Variants in PLXNB1 observed in about 807,000 individuals in gnomAD.
PLXNB1 encodes plexin B1.
Under a neutral mutation model 209.4 loss-of-function variants are expected in PLXNB1, and 106 were observed. That is an observed-to-expected ratio of 0.51 (90% CI 0.43 to 0.59). The LOEUF (loss-of-function observed/expected upper bound fraction) is 0.59. Ranked by LOEUF, PLXNB1 falls within the 20% of genes least tolerant of loss-of-function variation. The probability of loss-of-function intolerance (pLI) is 0.00; values close to 1 mark genes in which losing one functional copy is unlikely to be tolerated. For synonymous variants in PLXNB1, 1,167 were observed against 1,183.2 expected (o/e 0.99, Z 0.28); for missense variants, 2,357 against 2,853.2 (o/e 0.83, Z 3.96).
At position 48,412,231 on chromosome 3, in the gene PLXNB1, C is replaced by T. The variant is rs558218491; in HGVS notation, c.5100+7G>A. The T allele has an allele frequency of 3.7e-6, 6 of 1,613,722 alleles. No individual in the cohort carries two copies. The Admixed American group carries it at 8.3e-5, about 22-fold the overall frequency. ...GACAGGAGCCCTGTCCACCTCTGCC[C>T]CCTCACCCTCACGAAGGTATACAGA... On this transcript the variant is annotated splice_region_variant and intron_variant, in intron 27 of 37. Coordinates refer to ENST00000296440, the MANE Select transcript of PLXNB1 (RefSeq NM_001130082.3).
Position 48,415,700 on chromosome 3 carries a change from G to T in PLXNB1, c.3677C>A (p.Ala1226Asp). The T allele has an allele frequency of 2.6e-6, 4 of 1,555,188 alleles. No homozygotes were observed. The highest frequency in any genetic ancestry group is 3.5e-6 in the Non-Finnish European group (4 of 1,148,848). Residue 1226 changes from alanine (A) to aspartate (D), a missense_variant, in exon 19 of 38, where the codon GCC becomes GAC. Ala to Asp is a moderately radical substitution (Grantham distance 126). Coordinates refer to ENST00000296440, the MANE Select transcript of PLXNB1 (RefSeq NM_001130082.3). This position sits in a 1 kb window ranked among gnomAD's most constrained non-coding sequence, Gnocchi z 5.0. ...RCETSPRPTPATLPVAVWFGA... is the reference protein window; with the variant it reads ...RCETSPRPTPDTLPVAVWFGA... ...AAACCACACAGCCACAGGGAGCGTG[G>T]CAGGCGTGGGGCGTGGGCTGGTCTC...
chr3:48,423,787 C>G lies in PLXNB1; in HGVS notation c.825G>C (p.Leu275=). The G allele has an allele frequency of 3.7e-6, 6 of 1,613,974 alleles. No individual in the cohort carries two copies. The highest frequency in any genetic ancestry group is 5.1e-6 in the Non-Finnish European group (6 of 1,179,998). ...PLACEGGRYG[L]IQAAAVATSR... is the part of the protein sequence containing the mutation. ...ACGTGGCCACAGCTGCAGCCTGGATCAGCCCGTAGCGGCCACCTTCGCAGG... is the reference window on the plus strand; with the variant it reads ...ACGTGGCCACAGCTGCAGCCTGGATGAGCCCGTAGCGGCCACCTTCGCAGG... Residue 275 remains leucine, a synonymous_variant, in exon 3 of 38, where the codon CTG becomes CTC. Coordinates refer to ENST00000296440, the MANE Select transcript of PLXNB1 (RefSeq NM_001130082.3).
In PLXNB1 at chr3:48,405,608, C is replaced by G. The variant is rs1468251777; in HGVS notation, c.6303+116G>C. 2.5e-6 allele frequency: 2 copies of G among 790,318 alleles called. No individual in the cohort carries two copies. Among genetic ancestry groups the G allele is most frequent in the Non-Finnish European group, 4.1e-6 (2 of 486,306 alleles). The allele number at this position is 790,318 out of a possible 1,614,324, so 49.0% of individuals were successfully genotyped here. A position where few individuals can be genotyped will look rare whatever the true frequency, so the allele number is the denominator to read the frequency against. ...AGCCACCAAGGGGCCCGGCCCCCCACTACTCTGTCCCTGGGGAAGACCAAA... is the reference window on the plus strand; with the variant it reads ...AGCCACCAAGGGGCCCGGCCCCCCAGTACTCTGTCCCTGGGGAAGACCAAA... On this transcript the variant is annotated intron_variant, in intron 37 of 37. Coordinates refer to ENST00000296440, the MANE Select transcript of PLXNB1 (RefSeq NM_001130082.3). This position sits in a 1 kb window ranked among gnomAD's most constrained non-coding sequence, Gnocchi z 5.0.
At chr3:48,428,002 C>T (rs2038984504) in intron 1 of PLXNB1, among the ~76,000 whole-genome samples, 1 of 152,222 alleles carries the variant, frequency 6.6e-6, no homozygotes, top group Non-Finnish European at 1.5e-5. Context: ...ACCTTTCTCC[C>T]TGTTCCACCC....
chr3:48,420,151 T>A lies in PLXNB1; in HGVS notation c.2135A>T (p.Glu712Val), dbSNP rs1454112172. 1 of 1,375,988 alleles carries A rather than the reference T, an allele frequency of 7.3e-7. No individual in the cohort carries two copies. The allele number at this position is 1,375,988 out of a possible 1,614,324, so 85.2% of individuals were successfully genotyped here. Residue 712 changes from glutamate to valine, a missense_variant, in exon 11 of 38, where the codon GAG becomes GTG. Glu to Val is a moderately radical substitution (Grantham distance 121). Coordinates refer to ENST00000296440, the MANE Select transcript of PLXNB1 (RefSeq NM_001130082.3). ...ATPAPDTLPV[E>V]PGAPSTATAS... Reference sequence around the variant, plus strand: ...TGTGGCTGTGGAGGGAGCCCCAGGCTCCACGGGAAGGGTGTCAGGAGCAGG... The same window carrying A: ...TGTGGCTGTGGAGGGAGCCCCAGGCACCACGGGAAGGGTGTCAGGAGCAGG...
rs959440521 is a variant in PLXNB1, at chr3:48,416,785, C to A, written c.3375-334G>T. 1.0e-4 allele frequency: 22 copies of A among 220,298 alleles called. No homozygotes were observed. Among genetic ancestry groups the A allele is most frequent in the African/African-American group, 5.0e-4 (22 of 43,642 alleles). 13.6% of individuals were successfully genotyped at this position (220,298 alleles called of 1,614,324 possible). On this transcript the variant is annotated intron_variant, in intron 16 of 37. Coordinates refer to ENST00000296440, the MANE Select transcript of PLXNB1 (RefSeq NM_001130082.3). The surrounding 1 kb of genome is among the most constrained non-coding windows in gnomAD (Gnocchi z 4.1). ...TGAGCAAGTGAGTGGGCACAGCTAG[C>A]CGCCCATGTCCTCCGCCACGTCACA...
Position 48,420,315 on chromosome 3 carries a change from G to A in PLXNB1, c.2029-58C>T, listed in dbSNP as rs1399736814. The A allele has an allele frequency of 7.0e-6, 7 of 1,002,738 alleles. No homozygotes were observed. In the East Asian group the frequency reaches 1.3e-4, roughly 19 times the overall value. The allele number at this position is 1,002,738 out of a possible 1,614,324, so 62.1% of individuals were successfully genotyped here. On this transcript the variant is annotated intron_variant, in intron 10 of 37. Transcript: ENST00000296440. ...CCACTCAGCAGGCAGGCGCGGGACA[G>A]GAGGCAGGCAGGCACAGTGTATGTT...
Position 48,410,427 on chromosome 3 carries a change from G to T in PLXNB1, c.5520+28C>A, listed in dbSNP as rs2037600912. 6.2e-7 allele frequency: 1 copy of T among 1,610,536 alleles called. No homozygotes were observed. The highest frequency in any genetic ancestry group is 8.5e-7 in the Non-Finnish European group (1 of 1,176,808). On this transcript the variant is annotated intron_variant, in intron 30 of 37. Transcript: ENST00000296440. This position sits in a 1 kb window ranked among gnomAD's most constrained non-coding sequence, Gnocchi z 6.4. The stretch of plus-strand genomic sequence containing the variant: ...CCCTCCACCAGTCCCACCCCACCAT[G>T]CCCTCCTCCAGCTCCCACTCCTCCT...
intron 25 of PLXNB1, 40 bp from the exon 26 acceptor site, chr3:48,412,660 G>A (rs760254610): frequency 1.2e-6 from 2 of 1,607,950 alleles, no homozygotes; most frequent in Admixed American, 1.7e-5. Flanking sequence ...GGGTTTAGGG[G>A]GACAGAGGGG....
intron 3 of PLXNB1, 34 bp from the exon 4 acceptor site, chr3:48,422,981 C>A (rs757326507): frequency 6.3e-7 from 1 of 1,587,020 alleles, no homozygotes; most frequent in Non-Finnish European, 8.6e-7. Context: ...GAAGGCCCTC[C>A]CTGGATAACC....
rs761645327 is a variant in PLXNB1 at position 48,412,531 on chromosome 3, C to G, written c.4944G>C (p.Lys1648Asn). The change falls in exon 26 of 38, where the codon AAG becomes AAC. Residue 1648 changes from lysine to asparagine, a missense_variant. Around this residue, in one of 7 missense-constraint regions of PLXNB1, gnomAD observed 65 missense variants for 127.6 expected, o/e 0.51. Transcript: ENST00000296440. ...ASLLTVALHG[K>N]LEYFTDILRT... ...GGAGGATGTCAGTGAAATACTCAAG[C>G]TTCCCATGCAGTGCCACGGTGAGCA... 3 of 1,613,684 alleles carry G rather than the reference C, an allele frequency of 1.9e-6. No individual in the cohort carries two copies. The highest frequency in any genetic ancestry group is 2.5e-6 in the Non-Finnish European group (3 of 1,180,046).
chr3:48,416,311 C>G lies in PLXNB1; in HGVS notation c.3480+35G>C. ...AGAGGAGCCACCAGAGAGGTTGGCC[C>G]GCTGGCAGCTGGGGGTGGCTCAGCA... On this transcript the variant is annotated intron_variant, in intron 17 of 37. Transcript: ENST00000296440. This position sits in a 1 kb window ranked among gnomAD's most constrained non-coding sequence, Gnocchi z 4.1. The G allele has an allele frequency of 2.7e-5, 42 of 1,576,478 alleles. No homozygotes were observed. Among genetic ancestry groups the G allele is most frequent in the Non-Finnish European group, 3.7e-5 (42 of 1,149,466 alleles).
rs34569846 is a variant in PLXNB1 at position 48,416,496 on chromosome 3, GC to G, written c.3375-46del. On this transcript the variant is annotated intron_variant, in intron 16 of 37. Transcript: ENST00000296440. This position sits in a 1 kb window ranked among gnomAD's most constrained non-coding sequence, Gnocchi z 4.1. The stretch of plus-strand genomic sequence containing the variant: ...TAGGGGGTGCCAGGCTGCATCAAGG[GC>G]CCCTCAAGCTTACCTGGCAGCCCCT... The G allele has an allele frequency of 1.5e-6, 2 of 1,363,310 alleles. No homozygotes were observed. Among genetic ancestry groups the G allele is most frequent in the Middle Eastern group, 1.9e-4 (1 of 5,300 alleles). The allele number at this position is 1,363,310 out of a possible 1,614,324, so 84.5% of individuals were successfully genotyped here.
chr3:48,406,372 T>C lies in PLXNB1; in HGVS notation c.6228+451A>G, dbSNP rs557621177. ...GGCTTCACACACAACACCCCAAAAT[T>C]ATATCTGCTATTAGTGTTGTGGTTG... On this transcript the variant is annotated intron_variant, in intron 36 of 37. Transcript: ENST00000296440. The surrounding 1 kb of genome is among the most constrained non-coding windows in gnomAD (Gnocchi z 4.4). Among the ~76,000 whole-genome samples, 6 of 152,282 alleles carry C rather than the reference T, an allele frequency of 3.9e-5. No homozygotes were observed. The highest frequency in any genetic ancestry group is 1.4e-4 in the African/African-American group (6 of 41,548).
At position 48,420,874 on chromosome 3, in the gene PLXNB1, C is replaced by G. The variant is rs34982808; in HGVS notation, c.1893G>C (p.Ala631=). ...KTSLSFYDCV[A]VTELRPSAQC... Reference sequence around the variant, plus strand: ...GCGCAGATGGGCGGAGTTCAGTGACCGCCACACAGTCATAGAAAGAGAGGG... The same window carrying G: ...GCGCAGATGGGCGGAGTTCAGTGACGGCCACACAGTCATAGAAAGAGAGGG... The change falls in exon 9 of 38, where the codon GCG becomes GCC. Residue 631 remains alanine, a synonymous_variant. Transcript: ENST00000296440. 6.2e-7 allele frequency: 1 copy of G among 1,613,952 alleles called. No individual in the cohort carries two copies.
chr3:48,426,042 C>A (rs2038874984), intron 1 of PLXNB1, among the ~76,000 whole-genome samples: 1 of 152,156 alleles, frequency 6.6e-6, no homozygotes, highest in South Asian at 2.1e-4. Flanking sequence ...CACTCAGGCA[C>A]ACTCCCCTCG....
intron 26 of PLXNB1, 50 bp downstream of exon 26, chr3:48,412,392 C>T (rs760888930): frequency 2.4e-5 from 38 of 1,610,998 alleles, no homozygotes; most frequent in Non-Finnish European, 2.8e-5. Context: ...CGAGGCCCCA[C>T]CCCAGCTCCA....
chr3:48,416,462 A>G lies in PLXNB1; in HGVS notation c.3375-11T>C. The stretch of plus-strand genomic sequence containing the variant: ...GTGATGCACACGAGGCTGTAGGCAC[A>G]GGGCAGGCTAGGGGGTGCCAGGCTG... On this transcript the variant is annotated splice_polypyrimidine_tract_variant and intron_variant, in intron 16 of 37. Coordinates refer to ENST00000296440, the MANE Select transcript of PLXNB1 (RefSeq NM_001130082.3). The surrounding 1 kb of genome is among the most constrained non-coding windows in gnomAD (Gnocchi z 4.1). The G allele has an allele frequency of 6.3e-7, 1 of 1,590,878 alleles. No individual in the cohort carries two copies. The highest frequency in any genetic ancestry group is 8.6e-7 in the Non-Finnish European group (1 of 1,162,148).
At chr3:48,425,427 C>G (rs1364602753) in intron 1 of PLXNB1, 94 bp from the exon 2 acceptor site, 1 of 152,196 alleles carries the variant, frequency 6.6e-6, no homozygotes, top group Non-Finnish European at 1.5e-5. Context: ...CACAGAAGCA[C>G]CCCCTCCCCA....
Sources: gnomAD v4.1 joint callset for allele counts (sites outside exome capture counted in the v4.1 genomes callset) on GRCh38, gnomAD v4.1.1 for gene constraint, gnomAD v4.1.1 regional missense constraint, Gnocchi (gnomAD v3.1) non-coding constraint, MANE v1.5 for transcripts, NCBI Gene and HGNC (gene_info 2026-07-23, HGNC 2026-07-21) for gene names.